Variants in PDE4D observed in about 807,000 individuals in gnomAD.
PDE4D encodes the protein 3',5'-cyclic-AMP phosphodiesterase 4D.
A neutral mutation model predicts 87.4 loss-of-function variants in PDE4D; 24 were observed. The observed-to-expected ratio is 0.27, with a 90% confidence interval of 0.20 to 0.39. The LOEUF (loss-of-function observed/expected upper bound fraction) is 0.39, where lower values mean the gene tolerates loss of function less well. Among genes scored for constraint, PDE4D ranks in the 10% least tolerant of loss-of-function variants. The probability of loss-of-function intolerance (pLI) is 1.00; values close to 1 mark genes in which losing one functional copy is unlikely to be tolerated. For missense variants in PDE4D, 714 were observed against 1,041.0 expected (o/e 0.69, Z 4.32); for synonymous variants, 384 against 383.2 (o/e 1.00, Z -0.02).
intron 1 of PDE4D, among the ~76,000 whole-genome samples, chr5:59,337,696 T>C (rs948380626): frequency 1.3e-5 from 2 of 152,210 alleles, no homozygotes; most frequent in Non-Finnish European, 2.9e-5. Context: ...TGATATGTTC[T>C]GATTGCAGAG....
At chr5:59,670,282 T>G (rs555787701) in intron 1 of PDE4D, among the ~76,000 whole-genome samples, 1 of 152,190 alleles carries the variant, frequency 6.6e-6, no homozygotes, top group Non-Finnish European at 1.5e-5. Flanking sequence ...ATTATTGTTT[T>G]GTTATTAATA....
intron 1 of PDE4D, among the ~76,000 whole-genome samples, chr5:59,798,416 A>G (rs4700342): frequency 0.48 from 72,684 of 151,830 alleles, 18,253 homozygotes; most frequent in African/African-American, 0.6. Flanking sequence ...AGTTGTGGTA[A>G]TATTACATGA....
At chr5:60,069,318 C>G (rs886065015) in intron 2 of PDE4D, among the ~76,000 whole-genome samples, 1 of 152,156 alleles carries the variant, frequency 6.6e-6, no homozygotes, top group Non-Finnish European at 1.5e-5. Flanking sequence ...AATGCTTCAC[C>G]TTTCCACCAT....
At chr5:59,453,264 A>G (rs975819417) in intron 1 of PDE4D, among the ~76,000 whole-genome samples, 1 of 152,042 alleles carries the variant, frequency 6.6e-6, no homozygotes, top group African/African-American at 2.4e-5. Flanking sequence ...CTTTCTCCTC[A>G]GTCCTCCCCA....
At chr5:59,793,936 A>G (rs1766121837) in intron 1 of PDE4D, among the ~76,000 whole-genome samples, 1 of 152,220 alleles carries the variant, frequency 6.6e-6, no homozygotes, top group Admixed American at 6.5e-5. Context: ...TCATGAAAAT[A>G]CAGCTCATAT....
chr5:59,477,373 A>AAAAAAT (rs1554190139), intron 1 of PDE4D, among the ~76,000 whole-genome samples: 10 of 143,048 alleles, frequency 7.0e-5, no homozygotes, highest in African/African-American at 1.6e-4. Context: ...AAAAAAAAAA[A>AAAAAAT]ATTAAAGAAT....
intron 5 of PDE4D, among the ~76,000 whole-genome samples, chr5:59,120,166 G>C (rs1409260894): frequency 6.6e-6 from 1 of 152,114 alleles, no homozygotes; most frequent in Admixed American, 6.5e-5. Context: ...GTTCCACAGA[G>C]ACTGATGGTT....
At chr5:59,526,407 C>T (rs1252641421) in intron 1 of PDE4D, among the ~76,000 whole-genome samples, 1 of 152,182 alleles carries the variant, frequency 6.6e-6, no homozygotes, top group Non-Finnish European at 1.5e-5. Context: ...TTAAAAAACA[C>T]TGAAACTGGA....
intron 1 of PDE4D, among the ~76,000 whole-genome samples, chr5:59,847,972 A>G (rs1374726626): frequency 6.6e-6 from 1 of 152,084 alleles, no homozygotes; most frequent in African/African-American, 2.4e-5. Flanking sequence ...TTCTTATTTC[A>G]TAACATATAA....
intron 1 of PDE4D, among the ~76,000 whole-genome samples, chr5:60,192,496 T>C (rs1056827509): frequency 2.0e-5 from 3 of 152,128 alleles, no homozygotes; most frequent in Non-Finnish European, 2.9e-5. Context: ...CTTAAAATAA[T>C]GAAAATCTGG....
At chr5:60,279,785 C>T (rs1380681169) in intron 1 of PDE4D, among the ~76,000 whole-genome samples, 1 of 151,186 alleles carries the variant, frequency 6.6e-6, no homozygotes, top group Non-Finnish European at 1.5e-5. Context: ...CCCGGGTTCA[C>T]ATGGTTCTGC....
At chr5:60,522,040 C>G (rs1310373746) in intron 1 of PDE4D, 1 of 152,032 alleles carries the variant, frequency 6.6e-6, no homozygotes, top group East Asian at 1.9e-4. Context: ...CACCTCAGAC[C>G]ATTAACTTAC....
intron 1 of PDE4D, among the ~76,000 whole-genome samples, chr5:59,574,253 A>ATT (rs1003318358): frequency 1.2e-4 from 18 of 145,712 alleles, no homozygotes; most frequent in African/African-American, 3.8e-4. Flanking sequence ...ATATATATAT[A>ATT]TTTTTTAACT....
intron 2 of PDE4D, among the ~76,000 whole-genome samples, chr5:60,090,058 A>G (rs1774966078): frequency 6.6e-6 from 1 of 152,118 alleles, no homozygotes; most frequent in Non-Finnish European, 1.5e-5. Context: ...CCAGGATCTG[A>G]CAGCTTCACT....
chr5:59,083,300 C>A (rs893760756), intron 5 of PDE4D, among the ~76,000 whole-genome samples: 1 of 152,020 alleles, frequency 6.6e-6, no homozygotes, highest in Non-Finnish European at 1.5e-5. Context: ...AAATTTTCAT[C>A]AGCATGTGTA....
At chr5:60,447,973 G>T (rs1343739193) in intron 1 of PDE4D, among the ~76,000 whole-genome samples, 1 of 151,546 alleles carries the variant, frequency 6.6e-6, no homozygotes, top group Non-Finnish European at 1.5e-5. Flanking sequence ...CAATTATTTG[G>T]GTTGGGTTTT....
intron 6 of PDE4D, among the ~76,000 whole-genome samples, chr5:59,030,600 T>C (rs1380076413): frequency 1.3e-5 from 2 of 151,862 alleles, no homozygotes; most frequent in Admixed American, 6.6e-5. Context: ...CCAGGTATGG[T>C]GGCACACACC....
rs184664276 is a variant in PDE4D at position 60,313,280 on chromosome 5, C to A, written c.-89-127593G>T. ...ATCGACCCAACAGAAATACAAAAAA[C>A]CCTCAGAGACTATAATGAACACCTT... On this transcript the variant is annotated intron_variant, in intron 1 of 16. Transcript: ENST00000502484. Among the ~76,000 whole-genome samples the A allele has an allele frequency of 3.4e-3, 521 of 152,094 alleles. 1 individual carries two copies. The highest frequency in any genetic ancestry group is 0.012 in the African/African-American group (505 of 41,496).
intron 5 of PDE4D, among the ~76,000 whole-genome samples, chr5:59,091,331 A>C (rs1768694976): frequency 2.0e-5 from 3 of 152,202 alleles, no homozygotes; most frequent in African/African-American, 7.2e-5. Context: ...ACACGCACAT[A>C]AGTGTTCGAA....
Sources: allele counts gnomAD v4.1 joint callset (sites outside exome capture counted in the v4.1 genomes callset), GRCh38; gene constraint gnomAD v4.1.1; transcripts MANE v1.5; gene names NCBI Gene and HGNC (gene_info 2026-07-23, HGNC 2026-07-21).